Variants in TMEM178B observed in about 807,000 individuals in gnomAD.
TMEM178B encodes transmembrane protein 178B.
A neutral mutation model predicts 31.0 loss-of-function variants in TMEM178B; 5 were observed. That is an observed-to-expected ratio of 0.16 (90% CI 0.08 to 0.34). The LOEUF (loss-of-function observed/expected upper bound fraction) is 0.34. Ranked by LOEUF, TMEM178B falls within the 10% of genes least tolerant of loss-of-function variation. The pLI is 1.00. For synonymous variants in TMEM178B, 164 were observed against 164.0 expected (o/e 1.00, Z 0.00); for missense variants, 275 against 400.3 (o/e 0.69, Z 2.67).
intron 2 of TMEM178B, among the ~76,000 whole-genome samples, chr7:141,234,630 G>A (rs1797498057): frequency 6.6e-6 from 1 of 152,162 alleles, no homozygotes; most frequent in Non-Finnish European, 1.5e-5. Context: ...AACCTGGTCC[G>A]AGAATTTCCA....
At chr7:141,444,007 T>C (rs561000496) in intron 3 of TMEM178B, among the ~76,000 whole-genome samples, 1 of 152,228 alleles carries the variant, frequency 6.6e-6, no homozygotes, top group South Asian at 2.1e-4. Flanking sequence ...TGGGTTTTGG[T>C]TTTGACTACT....
intron 2 of TMEM178B, among the ~76,000 whole-genome samples, chr7:141,392,404 T>C (rs1800559005): frequency 6.6e-6 from 1 of 152,186 alleles, no homozygotes. Flanking sequence ...GTGCTAATAT[T>C]TTGCCATATT....
At chr7:141,398,957 A>G (rs553928054) in intron 2 of TMEM178B, among the ~76,000 whole-genome samples, 1 of 152,370 alleles carries the variant, frequency 6.6e-6, no homozygotes, top group Admixed American at 6.5e-5. Context: ...CATCTTCATC[A>G]GTGGGAAAAT....
intron 1 of TMEM178B, among the ~76,000 whole-genome samples, chr7:141,144,237 G>A (rs1795817985): frequency 6.6e-6 from 1 of 152,130 alleles, no homozygotes; most frequent in Admixed American, 6.6e-5. Context: ...GCTCTGGTTA[G>A]GGCTTCCATA....
Position 141,470,675 on chromosome 7 carries a change from C to A in TMEM178B, c.774C>A (p.Gly258=). The change falls in exon 4 of 4, where the codon GGC becomes GGA. Residue 258 remains glycine, a synonymous_variant. Transcript: ENST00000565468. The part of the protein sequence containing the change: ...YGWSMFCAWG[G]LGLTLISGFF... ...GGTCCATGTTCTGTGCATGGGGGGG[C>A]CTGGGCCTCACACTCATCTCGGGAT... 6.5e-7 allele frequency: 1 copy of A among 1,535,778 alleles called. No homozygotes were observed. Among genetic ancestry groups the A allele is most frequent in the Non-Finnish European group, 8.7e-7 (1 of 1,146,822 alleles).
At chr7:141,511,051 G>A in the TMEM178B span, among the ~76,000 whole-genome samples, 1 of 152,058 alleles carries the variant, frequency 6.6e-6, no homozygotes, top group African/African-American at 2.4e-5. Flanking sequence ...ACTGTGCAAT[G>A]TATTATCAGC....
intron 2 of TMEM178B, among the ~76,000 whole-genome samples, chr7:141,214,859 G>A (rs7790291): frequency 0.67 from 102,465 of 151,894 alleles, 35,521 homozygotes; most frequent in Middle Eastern, 0.81. Flanking sequence ...CGATTGATAT[G>A]TGAAAAGGTC....
At chr7:141,373,887 A>T (rs764287217) in intron 2 of TMEM178B, among the ~76,000 whole-genome samples, 2 of 152,216 alleles carry the variant, frequency 1.3e-5, no homozygotes, top group Non-Finnish European at 2.9e-5. Context: ...AAATTTTGTG[A>T]AAGAGGACTC....
At chr7:141,383,724 G>T (rs1052821254) in intron 2 of TMEM178B, among the ~76,000 whole-genome samples, 1 of 152,134 alleles carries the variant, frequency 6.6e-6, no homozygotes, top group Non-Finnish European at 1.5e-5. Flanking sequence ...AATCCTTTGG[G>T]TATATACCCA....
rs180772036 is a variant in TMEM178B, at chr7:141,427,343, T to C, written c.497-10265T>C. Among the ~76,000 whole-genome samples, 54 of 152,268 alleles carry C rather than the reference T, an allele frequency of 3.5e-4. No homozygotes were observed. The East Asian group carries it at 0.01, about 28-fold the overall frequency. Reference sequence around the variant, plus strand: ...CAAAACTATAGTAATCAAAACAGCATGGTACTGGCATAAAAACAGACCAAT... The same window carrying C: ...CAAAACTATAGTAATCAAAACAGCACGGTACTGGCATAAAAACAGACCAAT... On this transcript the variant is annotated intron_variant, in intron 2 of 3. Coordinates refer to ENST00000565468, the MANE Select transcript of TMEM178B (RefSeq NM_001195278.2).
At chr7:141,155,573 G>A (rs371673508) in intron 1 of TMEM178B, among the ~76,000 whole-genome samples, 5 of 152,228 alleles carry the variant, frequency 3.3e-5, no homozygotes, top group African/African-American at 1.2e-4. Context: ...CCTTCCAGTG[G>A]TGCTTGGCTT....
chr7:141,105,949 G>A (rs190272499), intron 1 of TMEM178B, among the ~76,000 whole-genome samples: 9 of 152,044 alleles, frequency 5.9e-5, no homozygotes, highest in Admixed American at 5.9e-4. Flanking sequence ...ATAAAAATTA[G>A]CCGGGCGTGG....
At chr7:141,437,935 TA>T (rs1291397392) in intron 3 of TMEM178B, among the ~76,000 whole-genome samples, 190 bp downstream of exon 3, 1 of 152,024 alleles carries the variant, frequency 6.6e-6, no homozygotes, top group African/African-American at 2.4e-5. Context: ...CTGTTGGGGA[TA>T]CAAAGGAAAA....
the TMEM178B span, among the ~76,000 whole-genome samples, chr7:141,489,638 CTCTT>C: frequency 6.6e-6 from 1 of 152,078 alleles, no homozygotes. Context: ...GTGTGTCTCT[CTCTT>C]TCTCTCTGTC....
At chr7:141,240,309 T>A (rs754223396) in intron 2 of TMEM178B, among the ~76,000 whole-genome samples, 1 of 152,242 alleles carries the variant, frequency 6.6e-6, no homozygotes, top group Non-Finnish European at 1.5e-5. Context: ...TTAAAAAACA[T>A]GTACAACACA....
rs1465490145 is a variant in TMEM178B, at chr7:141,109,231, C to T, written c.382+34539C>T. Among the ~76,000 whole-genome samples, 15 of 151,894 alleles carry T rather than the reference C, an allele frequency of 9.9e-5. No homozygotes were observed. The East Asian group carries it at 1.7e-3, about 18-fold the overall frequency. On this transcript the variant is annotated intron_variant, in intron 1 of 3. Coordinates refer to ENST00000565468, the MANE Select transcript of TMEM178B (RefSeq NM_001195278.2). ...GAGGCATGGGAATGGAGTGATATAG[C>T]GCCTGGTGATGGATTCTAGGCTGAG...
At chr7:141,341,399 A>G (rs1799513522) in intron 2 of TMEM178B, among the ~76,000 whole-genome samples, 1 of 152,204 alleles carries the variant, frequency 6.6e-6, no homozygotes, top group African/African-American at 2.4e-5. Flanking sequence ...TCTTCTGCCC[A>G]GTCCCATTTT....
Position 141,461,212 on chromosome 7 carries a change from T to G in TMEM178B, c.635-9324T>G, listed in dbSNP as rs565719077. On this transcript the variant is annotated intron_variant, in intron 3 of 3. Coordinates refer to ENST00000565468, the MANE Select transcript of TMEM178B (RefSeq NM_001195278.2). This position sits in a 1 kb window ranked among gnomAD's most constrained non-coding sequence, Gnocchi z 4.0. ...GTGTCTCATGGAGGACTTGGCTGCTTCTTCTCTGACCTCCCTGATACACAG... is the reference window on the plus strand; with the variant it reads ...GTGTCTCATGGAGGACTTGGCTGCTGCTTCTCTGACCTCCCTGATACACAG... Among the ~76,000 whole-genome samples the G allele has an allele frequency of 2.6e-5, 4 of 152,292 alleles. No individual in the cohort carries two copies. The South Asian group carries it at 8.3e-4, about 32-fold the overall frequency.
chr7:141,120,825 G>A (rs1417160566), intron 1 of TMEM178B, among the ~76,000 whole-genome samples: 1 of 151,798 alleles, frequency 6.6e-6, no homozygotes, highest in Non-Finnish European at 1.5e-5. Flanking sequence ...GGATATGGTG[G>A]CACGTACCTG....
Sources: allele counts gnomAD v4.1 joint callset (sites outside exome capture counted in the v4.1 genomes callset), GRCh38; gene constraint gnomAD v4.1.1; non-coding constraint Gnocchi (gnomAD v3.1); transcripts MANE v1.5; gene names NCBI Gene and HGNC (gene_info 2026-07-23, HGNC 2026-07-21).